Variants in TUB observed in about 807,000 individuals in gnomAD.
TUB encodes tubby protein homolog.
In TUB, 33 loss-of-function variants were observed where a neutral mutation model predicts 59.7. That is an observed-to-expected ratio of 0.55 (90% CI 0.42 to 0.74). TUB has a LOEUF of 0.74. Ranked by LOEUF, TUB falls within the 30% of genes least tolerant of loss-of-function variation. TUB has a pLI of 0.00. For missense variants in TUB, 659 were observed against 672.0 expected (o/e 0.98, Z 0.21); for synonymous variants, 293 against 256.4 (o/e 1.14, Z -1.36).
In TUB at chr11:8,101,476, T is replaced by G. The variant is rs150402974; in HGVS notation, c.1388-10T>G. The stretch of plus-strand genomic sequence containing the variant: ...TCCTTTTCTCTGTCTGTGCCTGTGC[T>G]TGGCCCCAGCGGACTACATCGTGAT... On this transcript the variant is annotated splice_polypyrimidine_tract_variant and intron_variant, in intron 11 of 11. Coordinates refer to ENST00000299506, the MANE Select transcript of TUB (RefSeq NM_177972.3). 340 of 1,614,174 alleles carry G rather than the reference T, an allele frequency of 2.1e-4. No homozygotes were observed. The African/African-American group carries it at 3.4e-3, about 16-fold the overall frequency.
upstream of TUB, among the ~76,000 whole-genome samples, chr11:8,034,176 G>C (rs1230287618): frequency 6.6e-6 from 1 of 152,186 alleles, no homozygotes; most frequent in Non-Finnish European, 1.5e-5. Flanking sequence ...CAGAGGATTG[G>C]AGGGCTGCAC....
chr11:8,100,849 C>A lies in TUB; in HGVS notation c.1239C>A (p.Arg413=). 6.2e-7 allele frequency: 1 copy of A among 1,614,180 alleles called. No individual in the cohort carries two copies. Among genetic ancestry groups the A allele is most frequent in the East Asian group, 2.2e-5 (1 of 44,876 alleles). The part of the protein sequence containing the change: ...PRNEHETLLA[R]WQNKNTESII... ...AGGAGCATGAGACACTGCTAGCACG[C>A]TGGCAGAATAAGAACACGGAGAGTA... Residue 413 remains arginine (R), a synonymous_variant, in exon 11 of 12, where the codon CGC becomes CGA. Transcript: ENST00000299506.
In TUB at chr11:8,088,495, T is replaced by C. The variant is rs913211725; in HGVS notation, c.39-1115T>C. 6.6e-5 allele frequency among the ~76,000 whole-genome samples: 10 copies of C among 152,224 alleles called. No homozygotes were observed. In the East Asian group the frequency reaches 1.9e-3, roughly 29 times the overall value. On this transcript the variant is annotated intron_variant, in intron 1 of 11. Coordinates refer to ENST00000299506, the MANE Select transcript of TUB (RefSeq NM_177972.3). ...TTCTTCACAGGTGTCTGCATGCACATGTGCACACACATGAGATATTCACAC... is the reference window on the plus strand; with the variant it reads ...TTCTTCACAGGTGTCTGCATGCACACGTGCACACACATGAGATATTCACAC...
At chr11:8,060,381 G>A (rs570587680) in intron 2 of TUB, among the ~76,000 whole-genome samples, 26 of 152,150 alleles carry the variant, frequency 1.7e-4, no homozygotes, top group Admixed American at 2.6e-4. Context: ...ACCATGGGTC[G>A]GGTTGCTGGC....
rs1328207902 is a variant in TUB at position 8,031,532 on chromosome 11, T to C, written c.56+12174T>C. Among the ~76,000 whole-genome samples, 5 of 152,220 alleles carry C rather than the reference T, an allele frequency of 3.3e-5. No homozygotes were observed. The East Asian group carries it at 9.6e-4, about 29-fold the overall frequency. On this transcript the variant is annotated intron_variant, in intron 1 of 11. Transcript: ENST00000534099. ...GTGGGGTAGAGGACCCTTCCCTCCCTGCCAGGCCCAACCCATGGGAGTTGA... is the reference window on the plus strand; with the variant it reads ...GTGGGGTAGAGGACCCTTCCCTCCCCGCCAGGCCCAACCCATGGGAGTTGA...
rs147963937 is a variant in TUB, at chr11:8,067,243, C to T, written c.204-22367C>T. 5.9e-5 allele frequency among the ~76,000 whole-genome samples: 9 copies of T among 152,282 alleles called. 1 individual carries two copies. In the East Asian group the frequency reaches 1.7e-3, roughly 29 times the overall value. On this transcript the variant is annotated intron_variant, in intron 2 of 12. Transcript: ENST00000305253. Reference sequence around the variant, plus strand: ...AGAGCCGGCACAGGGCATTGTTGCTCCCCGTTTCCTTTCTTGCTGAGTCAG... The same window carrying T: ...AGAGCCGGCACAGGGCATTGTTGCTTCCCGTTTCCTTTCTTGCTGAGTCAG...
Position 8,081,365 on chromosome 11 carries a change from C to T in TUB, c.-146C>T, listed in dbSNP as rs1449353355. On this transcript the variant is annotated 5_prime_UTR_variant, in exon 1 of 12. Coordinates refer to ENST00000299506, the MANE Select transcript of TUB (RefSeq NM_177972.3). ...GCAGAGCCAGCAGCCGGGGCCCTGGCGTGCAGCGCGGGCCTCGGCGGGGCC... is the reference window on the plus strand; with the variant it reads ...GCAGAGCCAGCAGCCGGGGCCCTGGTGTGCAGCGCGGGCCTCGGCGGGGCC... 2.3e-4 allele frequency: 231 copies of T among 989,362 alleles called. 4 individuals are homozygous for T. The Admixed American group carries it at 0.014, about 59-fold the overall frequency. The allele number at this position is 989,362 out of a possible 1,614,324, so 61.3% of individuals were successfully genotyped here.
At chr11:8,079,691 T>TGTGTGTAGGTGTGC (rs1943508789), upstream of TUB, among the ~76,000 whole-genome samples, 3 of 151,976 alleles carry the variant, frequency 2.0e-5, no homozygotes, top group Non-Finnish European at 4.4e-5. Context: ...TAGGTGTGCG[T>TGTGTGTAGGTGTGC]GTGTGTGTGC....
intron 1 of TUB, among the ~76,000 whole-genome samples, chr11:8,032,758 G>A (rs1484704543): frequency 6.6e-6 from 1 of 152,128 alleles, no homozygotes; most frequent in Non-Finnish European, 1.5e-5. Context: ...CTCACATCTG[G>A]TCACTATTCC....
intron 2 of TUB, among the ~76,000 whole-genome samples, chr11:8,059,859 A>C (rs1218100473): frequency 3.3e-5 from 5 of 152,208 alleles, no homozygotes; most frequent in African/African-American, 1.2e-4. Flanking sequence ...GCAGAACTGC[A>C]GTCAAGGAGA....
chr11:8,053,125 T>C (rs570049677), intron 2 of TUB, among the ~76,000 whole-genome samples: 1 of 152,346 alleles, frequency 6.6e-6, no homozygotes, highest in East Asian at 1.9e-4. Flanking sequence ...AAGACCTCTT[T>C]GGTATCTGTT....
intron 2 of TUB, among the ~76,000 whole-genome samples, chr11:8,045,991 G>A (rs1041655545): frequency 2.6e-5 from 4 of 152,140 alleles, no homozygotes; most frequent in African/African-American, 4.8e-5. Flanking sequence ...GCCTTGGGTC[G>A]TTTTCTCACA....
At chr11:8,051,262 G>A (rs1942931210) in intron 2 of TUB, among the ~76,000 whole-genome samples, 1 of 152,120 alleles carries the variant, frequency 6.6e-6, no homozygotes, top group Non-Finnish European at 1.5e-5. Flanking sequence ...ATATCCTAAT[G>A]ACATTGTGTA....
rs189652074 is a variant in TUB at position 8,058,333 on chromosome 11, G to A, written c.203+18641G>A. ...TATTCATTTTACTGCCTTTCCCTGC[G>A]CTTGTCTGTTGTGTCTGCGGGGTGG... On this transcript the variant is annotated intron_variant, in intron 2 of 12. Coordinates refer to the TUB transcript ENST00000305253. Among the ~76,000 whole-genome samples, 36 of 152,132 alleles carry A rather than the reference G, an allele frequency of 2.4e-4. No individual in the cohort carries two copies. The East Asian group carries it at 3.9e-3, about 16-fold the overall frequency.
chr11:8,027,850 CT>C (rs1942520409), intron 1 of TUB, among the ~76,000 whole-genome samples: 1 of 152,188 alleles, frequency 6.6e-6, no homozygotes, highest in Non-Finnish European at 1.5e-5. Context: ...TTGATGGACA[CT>C]TGGATTGTTT....
upstream of TUB, among the ~76,000 whole-genome samples, chr11:8,037,659 G>C (rs757177260): frequency 6.6e-6 from 1 of 152,212 alleles, no homozygotes; most frequent in Non-Finnish European, 1.5e-5. Flanking sequence ...AAGTAGTGGG[G>C]CTGGAGGGAG....
At chr11:8,093,900 C>G in intron 3 of TUB, 146 bp from the exon 4 acceptor site, 1 of 902,128 alleles carries the variant, frequency 1.1e-6, no homozygotes. Context: ...GGGCCTGATC[C>G]TGTGGGCTGT....
rs1055522231 is a variant in TUB at position 8,049,578 on chromosome 11, T to TATATATAGATAGATAG, written c.203+9889_203+9890insTATAGATAGATAGATA. On this transcript the variant is annotated intron_variant, in intron 2 of 12. Transcript: ENST00000305253. Reference sequence around the variant, plus strand: ...ATTATGTGGTATATATATATATATATATAGATAGATAGATAGATAGATAGA... The same window carrying TATATATAGATAGATAG: ...ATTATGTGGTATATATATATATATATATATATAGATAGATAGATAGATAGATAGATAGATAGATAGA... 3.9e-3 allele frequency among the ~76,000 whole-genome samples: 331 copies of TATATATAGATAGATAG among 85,914 alleles called. 2 individuals are homozygous for TATATATAGATAGATAG. The highest frequency in any genetic ancestry group is 9.6e-3 in the African/African-American group (273 of 28,554). 56.4% of individuals were successfully genotyped at this position (85,914 alleles called of 152,430 possible).
chr11:8,038,514 G>A (rs924322314), upstream of TUB: 14 of 760,188 alleles, frequency 1.8e-5, no homozygotes, highest in East Asian at 1.1e-4. Flanking sequence ...GCCTTTGTCC[G>A]CAGTGCACTT....
Sources: allele counts gnomAD v4.1 joint callset (sites outside exome capture counted in the v4.1 genomes callset), GRCh38; gene constraint gnomAD v4.1.1; transcripts MANE v1.5; gene names NCBI Gene and HGNC (gene_info 2026-07-23, HGNC 2026-07-21).